The following BEGAIN variants were observed in gnomAD, a reference collection of about 807,000 sequenced individuals.
The protein encoded by BEGAIN is brain enriched guanylate kinase associated, also known as brain-enriched guanylate kinase-associated protein.
BEGAIN carries 19 observed loss-of-function variants against 35.8 expected under a neutral mutation model. That is an observed-to-expected ratio of 0.53 (90% CI 0.37 to 0.78). BEGAIN has a LOEUF of 0.78. Ranked by LOEUF, BEGAIN falls within the 30% of genes least tolerant of loss-of-function variation. The pLI, the probability that BEGAIN is intolerant of heterozygous loss-of-function variation, is 0.00. For synonymous variants in BEGAIN, 462 were observed against 388.6 expected (o/e 1.19, Z -2.22); for missense variants, 795 against 853.6 (o/e 0.93, Z 0.85).
intron 2 of BEGAIN, among the ~76,000 whole-genome samples, chr14:100,550,800 G>A (rs1028050975): frequency 3.3e-5 from 5 of 152,214 alleles, no homozygotes; most frequent in African/African-American, 1.2e-4. Flanking sequence ...CAGGGTCACT[G>A]GTCACTCGCT....
At chr14:100,560,634 C>T (rs1324579151) in intron 2 of BEGAIN, among the ~76,000 whole-genome samples, 1 of 152,180 alleles carries the variant, frequency 6.6e-6, no homozygotes, top group African/African-American at 2.4e-5. Context: ...CTTCCCCGGT[C>T]CGGCCAGACC....
intron 5 of BEGAIN, among the ~76,000 whole-genome samples, chr14:100,543,648 A>C (rs763737129): frequency 8.5e-5 from 13 of 152,172 alleles, no homozygotes; most frequent in Admixed American, 2.6e-4. Context: ...ATGAGACAGC[A>C]CCATCTTTCC....
chr14:100,577,893 G>A (rs149131728), intron 1 of BEGAIN: 31 of 399,188 alleles, frequency 7.8e-5, no homozygotes, highest in African/African-American at 1.0e-4. Flanking sequence ...AGCTGTAGCC[G>A]TCCTGCCTGG....
Position 100,537,932 on chromosome 14 carries a change from CG to C in BEGAIN, c.*36del. On this transcript the variant is annotated 3_prime_UTR_variant, in exon 7 of 7. Transcript: ENST00000554140. ...GGCCCTTCTGGGGCACGTGGGCTGG[CG>C]GGGAGCGAACCACGGCCAGGCCTGC... The C allele has an allele frequency of 6.4e-7, 1 of 1,568,496 alleles. No homozygotes were observed. The highest frequency in any genetic ancestry group is 1.4e-5 in the African/African-American group (1 of 73,178).
At chr14:100,546,793 C>G in intron 2 of BEGAIN, 131 bp from the exon 3 acceptor site, 1 of 606,440 alleles carries the variant, frequency 1.6e-6, no homozygotes, top group African/African-American at 2.3e-5. Context: ...CACACACACA[C>G]ACACACACAC....
chr14:100,546,896 T>G, intron 2 of BEGAIN: 5 of 410,190 alleles, frequency 1.2e-5, no homozygotes, highest in Non-Finnish European at 2.2e-5. Context: ...CAGTCTGGCC[T>G]GGGCGGTTCC....
chr14:100,584,619 A>G (rs1261846460), intron 1 of BEGAIN, among the ~76,000 whole-genome samples: 2 of 152,134 alleles, frequency 1.3e-5, no homozygotes, highest in Admixed American at 1.3e-4. Context: ...GATTAAAGCA[A>G]TAGAGACACC....
At chr14:100,560,401 C>T (rs914475745) in intron 2 of BEGAIN, among the ~76,000 whole-genome samples, 1 of 152,214 alleles carries the variant, frequency 6.6e-6, no homozygotes, top group Non-Finnish European at 1.5e-5. Flanking sequence ...CTCTCTTGCT[C>T]AGCAAAGCCC....
At chr14:100,571,070 C>T (rs1211379754) in intron 1 of BEGAIN, among the ~76,000 whole-genome samples, 3 of 152,102 alleles carry the variant, frequency 2.0e-5, no homozygotes, top group African/African-American at 2.4e-5. Context: ...TGGGTGCCCT[C>T]GGGGGACAGT....
intron 6 of BEGAIN, 196 bp downstream of exon 6, chr14:100,540,300 C>T: frequency 1.7e-6 from 1 of 591,016 alleles, no homozygotes; most frequent in South Asian, 2.0e-5. Flanking sequence ...CCAGGGGCTG[C>T]CCGGCTGCGT....
At chr14:100,555,221 C>T (rs60013592) in intron 2 of BEGAIN, among the ~76,000 whole-genome samples, 38,874 of 152,226 alleles carry the variant, frequency 0.26, 5,341 homozygotes, top group African/African-American at 0.35. Flanking sequence ...CTGCAGAAGG[C>T]CTTGTGCCCC....
intron 2 of BEGAIN, among the ~76,000 whole-genome samples, chr14:100,562,529 G>A (rs1265895266): frequency 7.9e-5 from 12 of 152,094 alleles, no homozygotes; most frequent in Non-Finnish European, 1.5e-5. Context: ...ATGCCCTGGA[G>A]TTGTCTTTGA....
intron 1 of BEGAIN, among the ~76,000 whole-genome samples, chr14:100,583,985 C>T (rs985762008): frequency 2.0e-5 from 3 of 152,204 alleles, no homozygotes; most frequent in Non-Finnish European, 2.9e-5. Flanking sequence ...AGGCGTGAGC[C>T]GCTGCGCCCA....
chr14:100,571,406 C>T (rs1372866968), intron 1 of BEGAIN, among the ~76,000 whole-genome samples: 1 of 152,168 alleles, frequency 6.6e-6, no homozygotes, highest in Non-Finnish European at 1.5e-5. Context: ...GGGAGGGCCG[C>T]CCGGGTCAGA....
At chr14:100,565,685 A>C (rs2034629399) in intron 2 of BEGAIN, among the ~76,000 whole-genome samples, 1 of 152,054 alleles carries the variant, frequency 6.6e-6, no homozygotes, top group African/African-American at 2.4e-5. Flanking sequence ...GGACCCCTTC[A>C]CTGTGACCAC....
chr14:100,551,680 A>T (rs2033212731), intron 2 of BEGAIN, among the ~76,000 whole-genome samples: 1 of 152,212 alleles, frequency 6.6e-6, no homozygotes, highest in Non-Finnish European at 1.5e-5. Context: ...AGAGAAAAAA[A>T]TTGCTAAAGA....
At position 100,537,600 on chromosome 14, in the gene BEGAIN, C is replaced by T. The variant is rs1242701167; in HGVS notation, c.*369G>A. 4.8e-6 allele frequency: 1 copy of T among 208,014 alleles called. No homozygotes were observed. Among genetic ancestry groups the T allele is most frequent in the African/African-American group, 2.3e-5 (1 of 43,244 alleles). 12.9% of individuals were successfully genotyped at this position (208,014 alleles called of 1,614,324 possible). Reference sequence around the variant, plus strand: ...CACCCTCGCCCAAAAAATAAAGGAGCTTTGTGTTGAAAACGCCAAGGCAGC... The same window carrying T: ...CACCCTCGCCCAAAAAATAAAGGAGTTTTGTGTTGAAAACGCCAAGGCAGC... On this transcript the variant is annotated 3_prime_UTR_variant, in exon 7 of 7. Coordinates refer to ENST00000554140, the MANE Select transcript of BEGAIN (RefSeq NM_001385089.1).
rs914876653 is a variant in BEGAIN at position 100,586,697 on chromosome 14, C to T, written c.42+552G>A. Among the ~76,000 whole-genome samples the T allele has an allele frequency of 2.8e-4, 43 of 152,342 alleles. No homozygotes were observed. The highest frequency in any genetic ancestry group is 9.9e-4 in the African/African-American group (41 of 41,596). On this transcript the variant is annotated intron_variant, in intron 1 of 6. Transcript: ENST00000554140. This position sits in a 1 kb window ranked among gnomAD's most constrained non-coding sequence, Gnocchi z 4.9. Reference sequence around the variant, plus strand: ...TAAAGGGGCAGGAGGATAGTACCTGCCGCGAGGTACTGAATGGGATGGTGG... The same window carrying T: ...TAAAGGGGCAGGAGGATAGTACCTGTCGCGAGGTACTGAATGGGATGGTGG...
intron 6 of BEGAIN, 72 bp downstream of exon 6, chr14:100,540,424 T>C: frequency 8.5e-7 from 1 of 1,172,920 alleles, no homozygotes; most frequent in Middle Eastern, 2.2e-4. Flanking sequence ...GAAATGGCTT[T>C]GGGGTAGCAC....
Sources: allele counts gnomAD v4.1 joint callset (sites outside exome capture counted in the v4.1 genomes callset), GRCh38; gene constraint gnomAD v4.1.1; non-coding constraint Gnocchi (gnomAD v3.1); transcripts MANE v1.5; gene names NCBI Gene and HGNC (gene_info 2026-07-23, HGNC 2026-07-21).